TMEM62: variants seen among roughly 807,000 people sequenced by gnomAD.
TMEM62 encodes transmembrane protein 62.
In TMEM62, 41 loss-of-function variants were observed where a neutral mutation model predicts 70.4. That is an observed-to-expected ratio of 0.58 (90% CI 0.45 to 0.76). The LOEUF (loss-of-function observed/expected upper bound fraction) is 0.76, where lower values mean the gene tolerates loss of function less well. Among genes scored for constraint, TMEM62 ranks in the 30% least tolerant of loss-of-function variants. The probability of loss-of-function intolerance (pLI) is 0.00; values close to 1 mark genes in which losing one functional copy is unlikely to be tolerated. For synonymous variants in TMEM62, 268 were observed against 291.0 expected, an observed-to-expected ratio of 0.92 and a Z score of 0.80; for missense variants, 688 against 788.5, an observed-to-expected ratio of 0.87 and a Z score of 1.53.
chr15:43,178,356 A>G (rs1185482859), intron 11 of TMEM62, among the ~76,000 whole-genome samples: 3 of 152,106 alleles, frequency 2.0e-5, no homozygotes, highest in African/African-American at 4.8e-5. Context: ...TATGTATCTT[A>G]TGATATATAT....
intron 11 of TMEM62, among the ~76,000 whole-genome samples, chr15:43,172,642 C>A (rs1480697647): frequency 6.6e-6 from 1 of 152,046 alleles, no homozygotes; most frequent in Non-Finnish European, 1.5e-5. Context: ...GATCAGTAAA[C>A]CCAGGCAAAA....
At chr15:43,137,954 T>C (rs984315518) in intron 3 of TMEM62, among the ~76,000 whole-genome samples, 7 of 152,224 alleles carry the variant, frequency 4.6e-5, no homozygotes, top group Admixed American at 2.6e-4. Context: ...ATTGACTGTC[T>C]CTACAGATTT....
At chr15:43,167,972 A>C (rs2141953592) in intron 10 of TMEM62, among the ~76,000 whole-genome samples, 1 of 152,100 alleles carries the variant, frequency 6.6e-6, no homozygotes, top group South Asian at 2.1e-4. Context: ...AAAAATACGA[A>C]AACCAGTCAG....
intron 11 of TMEM62, among the ~76,000 whole-genome samples, chr15:43,172,803 A>T (rs1323328409): frequency 6.6e-6 from 1 of 152,224 alleles, no homozygotes; most frequent in Non-Finnish European, 1.5e-5. Context: ...TACTGATATT[A>T]AAAAAATAAA....
chr15:43,135,685 G>GT (rs775047961), intron 3 of TMEM62, 36 bp downstream of exon 3: 4 of 1,536,202 alleles, frequency 2.6e-6, no homozygotes, highest in East Asian at 2.3e-5. Context: ...AAAGACAAGA[G>GT]TTTTTTTCCC....
intron 7 of TMEM62, 50 bp from the exon 8 acceptor site, chr15:43,151,740 C>T (rs2037415866): frequency 1.3e-6 from 2 of 1,554,062 alleles, no homozygotes; most frequent in African/African-American, 1.4e-5. Context: ...CCTTCATGAC[C>T]TCTTACAATG....
At chr15:43,147,969 T>C (rs1460854531) in intron 5 of TMEM62, among the ~76,000 whole-genome samples, 2 of 152,218 alleles carry the variant, frequency 1.3e-5, no homozygotes, top group Non-Finnish European at 2.9e-5. Flanking sequence ...GAAATCAACT[T>C]TTGAGGTATG....
At chr15:43,139,731 C>A (rs2141506048) in intron 4 of TMEM62, among the ~76,000 whole-genome samples, 1 of 152,308 alleles carries the variant, frequency 6.6e-6, no homozygotes, top group South Asian at 2.1e-4. Context: ...TCCTAACTCC[C>A]TTCAATTCTA....
At chr15:43,140,280 G>T (rs183368498) in intron 4 of TMEM62, among the ~76,000 whole-genome samples, 22 of 152,146 alleles carry the variant, frequency 1.4e-4, no homozygotes, top group Non-Finnish European at 2.5e-4. Context: ...GAACATGGCC[G>T]GCAGATCCAG....
chr15:43,162,005 C>A (rs2038763609), intron 10 of TMEM62, among the ~76,000 whole-genome samples: 1 of 151,980 alleles, frequency 6.6e-6, no homozygotes, highest in Admixed American at 6.6e-5. Context: ...AACATAAATA[C>A]TATTATACCT....
Position 43,135,574 on chromosome 15 carries a change from C to A in TMEM62, c.355C>A (p.Gln119Lys), listed in dbSNP as rs756600752. The part of the protein sequence containing the change: ...LGSRQHEVEW[Q>K]TYQGILKKTR... ...ATCCAGGCAGCATGAGGTAGAATGG[C>A]AAACCTACCAGGGTATTCTGAAGAA... Residue 119 changes from glutamine to lysine, a missense_variant, in exon 3 of 14, where the codon CAA becomes AAA. Gln to Lys is a moderately conservative substitution (Grantham distance 53, BLOSUM62 1). Coordinates refer to ENST00000260403, the MANE Select transcript of TMEM62 (RefSeq NM_024956.4). The A allele has an allele frequency of 5.6e-6, 9 of 1,611,486 alleles. No individual in the cohort carries two copies. In the South Asian group the frequency reaches 8.8e-5, roughly 16 times the overall value.
chr15:43,159,934 A>G (rs1207644477), intron 9 of TMEM62, among the ~76,000 whole-genome samples: 1 of 152,136 alleles, frequency 6.6e-6, no homozygotes, highest in Non-Finnish European at 1.5e-5. Context: ...GTGCATGCTA[A>G]TATTTACTCT....
intron 7 of TMEM62, among the ~76,000 whole-genome samples, chr15:43,150,431 C>T (rs1435008680): frequency 6.6e-6 from 1 of 152,156 alleles, no homozygotes; most frequent in African/African-American, 2.4e-5. Context: ...TTTCCTGTGT[C>T]CAACCCTGGG....
intron 10 of TMEM62, among the ~76,000 whole-genome samples, chr15:43,164,843 A>G (rs2039196904): frequency 6.6e-6 from 1 of 152,210 alleles, no homozygotes; most frequent in Non-Finnish European, 1.5e-5. Context: ...TGAACATAAT[A>G]TTCTAAGATA....
At chr15:43,135,795 T>A in intron 3 of TMEM62, 146 bp downstream of exon 3, 1 of 967,222 alleles carries the variant, frequency 1.0e-6, no homozygotes, top group Middle Eastern at 3.4e-4. Context: ...CTATATAATG[T>A]GGTTTTAAAA....
rs762625085 is a variant in TMEM62, at chr15:43,154,627, A to G, written c.1023-45A>G. On this transcript the variant is annotated intron_variant, in intron 8 of 13. Transcript: ENST00000260403. ...AAGGTTATTCTCCTTTGCAAAAACA[A>G]TGACAAACCTCAAACCATGTGTTTT... The G allele has an allele frequency of 1.7e-5, 27 of 1,548,952 alleles. No individual in the cohort carries two copies. In the African/African-American group the frequency reaches 3.6e-4, roughly 21 times the overall value.
At chr15:43,172,979 G>C (rs908708212) in intron 11 of TMEM62, among the ~76,000 whole-genome samples, 1 of 152,142 alleles carries the variant, frequency 6.6e-6, no homozygotes, top group Admixed American at 6.5e-5. Context: ...TGTAATCCCA[G>C]TACTTTGGGA....
intron 3 of TMEM62, among the ~76,000 whole-genome samples, chr15:43,137,332 T>C (rs1289638240): frequency 6.6e-6 from 1 of 152,270 alleles, no homozygotes; most frequent in East Asian, 1.9e-4. Context: ...TTCAATCTTA[T>C]AATTTCAAAG....
At position 43,133,759 on chromosome 15, in the gene TMEM62, C is replaced by G. The variant is rs369385047; in HGVS notation, c.-44C>G. ...GCGGCTCCCGGGAGCGCCGCGCGGT[C>G]CTGCGCGGGATCAGCGAGGGCCGCG... On this transcript the variant is annotated 5_prime_UTR_variant, in exon 1 of 14. Transcript: ENST00000260403. The G allele has an allele frequency of 1.1e-5, 15 of 1,307,378 alleles. No homozygotes were observed. In the Admixed American group the frequency reaches 3.3e-4, roughly 29 times the overall value. 81.0% of individuals were successfully genotyped at this position (1,307,378 alleles called of 1,614,324 possible).
Sources: allele counts gnomAD v4.1 joint callset (sites outside exome capture counted in the v4.1 genomes callset), GRCh38; gene constraint gnomAD v4.1.1; transcripts MANE v1.5; gene names NCBI Gene and HGNC (gene_info 2026-07-23, HGNC 2026-07-21).